PRB2: variants seen among roughly 807,000 people sequenced by gnomAD.
PRB2 encodes the protein basic salivary proline-rich protein 2.
PRB2 carries 12 observed loss-of-function variants against 8.3 expected under a neutral mutation model. That is an observed-to-expected ratio of 1.45 (90% CI 0.93 to 2.35). The LOEUF is 2.35. Among genes scored for constraint, PRB2 ranks in the 30% most tolerant of loss-of-function variants. PRB2 has a pLI of 0.00. For synonymous variants in PRB2, 146 were observed against 180.0 expected (o/e 0.81, Z 1.51); for missense variants, 470 against 507.0 (o/e 0.93, Z 0.70).
chr12:11,395,365 G>A lies in PRB2; in HGVS notation c.64+101C>T, dbSNP rs572819954. The A allele has an allele frequency of 3.1e-5, 46 of 1,467,094 alleles. No individual in the cohort carries two copies. In the South Asian group the frequency reaches 5.2e-4, roughly 17 times the overall value. The allele number at this position is 1,467,094 out of a possible 1,614,324, so 90.9% of individuals were successfully genotyped here. On this transcript the variant is annotated intron_variant, in intron 1 of 3. Coordinates refer to ENST00000389362, the MANE Select transcript of PRB2 (RefSeq NM_006248.4). ...TGATCCTAGGCATGAAAACTCTGCA[G>A]CCCCATCTGTGTTTTCATTCTCCTC...
At chr12:11,395,338 C>T (rs1224558842) in intron 1 of PRB2, 128 bp downstream of exon 1, 2 of 1,154,026 alleles carry the variant, frequency 1.7e-6, no homozygotes, top group Non-Finnish European at 2.6e-6. Flanking sequence ...CAACAAGTCT[C>T]CTGATCCTAG....
At chr12:11,394,399 C>G in intron 2 of PRB2, 96 bp downstream of exon 2, 1 of 1,449,952 alleles carries the variant, frequency 6.9e-7, no homozygotes, top group Admixed American at 1.7e-5. Flanking sequence ...AATCAATTCC[C>G]GAAAGGAAAG....
chr12:11,395,343 T>A, intron 1 of PRB2, 123 bp downstream of exon 1: 3 of 1,203,744 alleles, frequency 2.5e-6, no homozygotes, highest in Non-Finnish European at 3.7e-6. Flanking sequence ...AGTCTCCTGA[T>A]CCTAGGCATG....
chr12:11,395,474 A>C lies in PRB2; in HGVS notation c.56T>G (p.Leu19Ter). 1.2e-6 allele frequency: 2 copies of C among 1,613,768 alleles called. No homozygotes were observed. The highest frequency in any genetic ancestry group is 1.7e-6 in the Non-Finnish European group (2 of 1,179,818). The stretch of plus-strand genomic sequence containing the variant: ...TCCCCCTTCTGTTTTACCTTCATTT[A>C]AGTTCTGAGCTGAGCTCAGGGCCAG... ...ALLALSSAQN[L>*]NEDVSQEESP... The change falls in exon 1 of 4, where the codon TTA (leucine) becomes TGA (stop). Residue 19 changes from leucine (L) to a stop codon, truncating the protein, a stop_gained. Coordinates refer to ENST00000389362, the MANE Select transcript of PRB2 (RefSeq NM_006248.4). LOFTEE classifies it high-confidence loss of function.
chr12:11,394,407 A>G, intron 2 of PRB2, 88 bp downstream of exon 2: 1 of 1,475,864 alleles, frequency 6.8e-7, no homozygotes, highest in Admixed American at 1.7e-5. Flanking sequence ...CCCGAAAGGA[A>G]AGTTTTGATA....
rs761529722 is a variant in PRB2, at chr12:11,392,800, T to C, written c.*27A>G. 1.3e-5 allele frequency: 19 copies of C among 1,441,722 alleles called. No individual in the cohort carries two copies. The highest frequency in any genetic ancestry group is 2.4e-5 in the Admixed American group (1 of 41,480). 89.3% of individuals were successfully genotyped at this position (1,441,722 alleles called of 1,614,324 possible). On this transcript the variant is annotated 3_prime_UTR_variant, in exon 3 of 4. Coordinates refer to ENST00000389362, the MANE Select transcript of PRB2 (RefSeq NM_006248.4). ...GAATAAACTGGAATCATACCTGTCA[T>C]TGAATCCTAGATGACTGGGGAGGCT...
At chr12:11,394,670 T>C in intron 1 of PRB2, 140 bp from the exon 2 acceptor site, 1 of 1,172,740 alleles carries the variant, frequency 8.5e-7, no homozygotes, top group Non-Finnish European at 1.3e-6. Context: ...TCTGTGAAGC[T>C]GCTGGAAGGG....
In PRB2 at chr12:11,394,057, A is replaced by G; in HGVS notation, c.101-80T>C. 3 of 1,577,740 alleles carry G rather than the reference A, an allele frequency of 1.9e-6. No individual in the cohort carries two copies. In the South Asian group the frequency reaches 3.4e-5, roughly 18 times the overall value. On this transcript the variant is annotated intron_variant, in intron 2 of 3. Transcript: ENST00000389362. ...TGAATAGTTGCAGTAAATTTTTATCAGTTTGGGTAACAAGCTGAGTGGGGA... is the reference window on the plus strand; with the variant it reads ...TGAATAGTTGCAGTAAATTTTTATCGGTTTGGGTAACAAGCTGAGTGGGGA...
chr12:11,395,411 A>G (rs1864393935), intron 1 of PRB2, 55 bp downstream of exon 1: 2 of 1,605,916 alleles, frequency 1.2e-6, no homozygotes, highest in Admixed American at 3.3e-5. Flanking sequence ...AATTACCATT[A>G]TCACCTCCTA....
intron 1 of PRB2, 25 bp from the exon 2 acceptor site, chr12:11,394,555 G>T (rs777487836): frequency 1.2e-6 from 2 of 1,612,102 alleles, no homozygotes; most frequent in Non-Finnish European, 1.7e-6. Flanking sequence ...CAGGATGATG[G>T]GAACAGTTAC....
Position 11,392,852 on chromosome 12 carries a change from C to T in PRB2, c.1226G>A (p.Gly409Asp), listed in dbSNP as rs554049955. 1.3e-5 allele frequency: 21 copies of T among 1,555,856 alleles called. No homozygotes were observed. In the East Asian group the frequency reaches 4.1e-4, roughly 31 times the overall value. ...PQGPPRPPQG[G>D]RPSRPPQ ...TCACTGGGGAGGTCTGGAAGGTCTG[C>T]CCCCTTGAGGAGGGCGTGGTGGTCC... Residue 409 changes from glycine (G) to aspartate (D), a missense_variant, in exon 3 of 4, where the codon GGC becomes GAC. Transcript: ENST00000389362.
rs1490552653 is a variant in PRB2 at position 11,393,376 on chromosome 12, A to T, written c.702T>A (p.Ser234Arg). The T allele has an allele frequency of 6.3e-6, 10 of 1,589,862 alleles. No individual in the cohort carries two copies. The highest frequency in any genetic ancestry group is 3.3e-5 in the South Asian group (3 of 90,002). The change falls in exon 3 of 4, where the codon AGT becomes AGA. Residue 234 changes from serine (S) to arginine (R), a missense_variant. Ser to Arg is a moderately radical substitution (Grantham distance 110). This residue lies in a region of PRB2 where 205 missense variants were observed against 195.0 expected (regional missense o/e 1.05). Transcript: ENST00000389362. ...PPPQGDNKSQ[S>R]ARSPPGKPQG... is the part of the protein sequence containing the mutation. ...GTGGCTTTCCTGGAGGAGATCGGGCACTTTGGGACTTGTTGTCTCCTTGTG... is the reference window on the plus strand; with the variant it reads ...GTGGCTTTCCTGGAGGAGATCGGGCTCTTTGGGACTTGTTGTCTCCTTGTG...
chr12:11,395,419 C>A, intron 1 of PRB2, 47 bp downstream of exon 1: 2 of 1,611,564 alleles, frequency 1.2e-6, no homozygotes, highest in Non-Finnish European at 1.7e-6. Flanking sequence ...TTATCACCTC[C>A]TAAGCCCCAA....
In PRB2 at chr12:11,393,212, T is replaced by A. The variant is rs1367324269; in HGVS notation, c.866A>T (p.Gln289Leu). Residue 289 changes from glutamine to leucine, a missense_variant, in exon 3 of 4, where the codon CAA becomes CTA. Gln to Leu is a moderately radical substitution (Grantham distance 113). Coordinates refer to ENST00000389362, the MANE Select transcript of PRB2 (RefSeq NM_006248.4). ...AGAACTTCGGGACTTGCTGCCTCCTTGTGGGGGTGGTCCTTGTGGCTTTCC... is the reference window on the plus strand; with the variant it reads ...AGAACTTCGGGACTTGCTGCCTCCTAGTGGGGGTGGTCCTTGTGGCTTTCC... Reference protein sequence around the residue: ...PPGKPQGPPPQGGSKSRSSRS... With the variant: ...PPGKPQGPPPLGGSKSRSSRS... The A allele has an allele frequency of 2.4e-5, 38 of 1,564,522 alleles. 1 individual carries two copies. Among genetic ancestry groups the A allele is most frequent in the Non-Finnish European group, 3.1e-5 (36 of 1,160,362 alleles).
In PRB2 at chr12:11,393,139, G is replaced by T. The variant is rs779009666; in HGVS notation, c.939C>A (p.Asn313Lys). ...GAGGAGGTGGGGGACCTTGAGGCTG[G>T]TTGCCTCCTTGTGGGGGTGGTCCTT... is the stretch of plus-strand genomic sequence containing the variant. Reference protein sequence around the residue: ...KPQGPPPQGGNQPQGPPPPPG... With the variant: ...KPQGPPPQGGKQPQGPPPPPG... The change falls in exon 3 of 4, where the codon AAC (asparagine) becomes AAA (lysine). Residue 313 changes from asparagine to lysine, a missense_variant. Transcript: ENST00000389362. The T allele has an allele frequency of 1.3e-6, 2 of 1,594,928 alleles. No homozygotes were observed. Among genetic ancestry groups the T allele is most frequent in the Non-Finnish European group, 1.7e-6 (2 of 1,175,126 alleles).
Position 11,393,592 on chromosome 12 carries a change from T to C in PRB2, c.486A>G (p.Pro162=). The C allele has an allele frequency of 6.3e-7, 1 of 1,585,848 alleles. No homozygotes were observed. Among genetic ancestry groups the C allele is most frequent in the Middle Eastern group, 1.7e-4 (1 of 5,952 alleles). The change falls in exon 3 of 4, where the codon CCA becomes CCG. Residue 162 remains proline (P), a synonymous_variant. Transcript: ENST00000389362. ...GGGACTTGTTGTCTCCTTGTGGGGG[T>C]GGTCCTTGTGGCTTTCCTGGAGGTG... ...GPPPPGKPQG[P]PPQGDNKSRS... is the part of the protein sequence containing the mutation.
Position 11,393,591 on chromosome 12 carries a change from G to C in PRB2, c.487C>G (p.Pro163Ala). The C allele has an allele frequency of 6.3e-7, 1 of 1,588,406 alleles. No individual in the cohort carries two copies. The highest frequency in any genetic ancestry group is 8.6e-7 in the Non-Finnish European group (1 of 1,168,946). ...PPPPGKPQGP[P>A]PQGDNKSRSS... is the part of the protein sequence containing the mutation. ...CGGGACTTGTTGTCTCCTTGTGGGGGTGGTCCTTGTGGCTTTCCTGGAGGT... is the reference window on the plus strand; with the variant it reads ...CGGGACTTGTTGTCTCCTTGTGGGGCTGGTCCTTGTGGCTTTCCTGGAGGT... The change falls in exon 3 of 4, where the codon CCC (proline) becomes GCC (alanine). Residue 163 changes from proline (P) to alanine (A), a missense_variant. Physicochemically the swap from Pro to Ala is conservative, Grantham distance 27 (BLOSUM62 -1). Coordinates refer to ENST00000389362, the MANE Select transcript of PRB2 (RefSeq NM_006248.4).
At chr12:11,394,620 C>G (rs1296714658) in intron 1 of PRB2, 90 bp from the exon 2 acceptor site, 4 of 1,480,764 alleles carry the variant, frequency 2.7e-6, no homozygotes, top group African/African-American at 1.4e-5. Flanking sequence ...GACTTCTCAC[C>G]ACACCCCATG....
In PRB2 at chr12:11,393,498, G is replaced by A. The variant is rs751164706; in HGVS notation, c.580C>T (p.Pro194Ser). Reference protein sequence around the residue: ...PPQGGNQPQGPPPPPGKPQGP... With the variant: ...PPQGGNQPQGSPPPPGKPQGP... ...TGTGGCTTTCCTGGAGGAGGTGGGG[G>A]ACCTTGGGGCTGGTTGCCTCCTTGT... Residue 194 changes from proline (P) to serine (S), a missense_variant, in exon 3 of 4, where the codon CCC (proline) becomes TCC (serine). Physicochemically the swap from Pro to Ser is moderately conservative, Grantham distance 74. Around this residue, in one of 4 missense-constraint regions of PRB2, gnomAD observed 37 missense variants for 66.0 expected, o/e 0.56. Coordinates refer to ENST00000389362, the MANE Select transcript of PRB2 (RefSeq NM_006248.4). 2.1e-6 allele frequency: 3 copies of A among 1,447,162 alleles called. No individual in the cohort carries two copies. Among genetic ancestry groups the A allele is most frequent in the Non-Finnish European group, 2.7e-6 (3 of 1,093,898 alleles). 89.6% of individuals were successfully genotyped at this position (1,447,162 alleles called of 1,614,324 possible).
Sources: allele counts gnomAD v4.1 joint callset, GRCh38; gene constraint gnomAD v4.1.1; regional missense constraint gnomAD v4.1.1; transcripts MANE v1.5; gene names NCBI Gene and HGNC (gene_info 2026-07-23, HGNC 2026-07-21).